The following HECW1 variants were observed in gnomAD, a reference collection of about 807,000 sequenced individuals.
HECW1 encodes HECT, C2 and WW domain containing E3 ubiquitin protein ligase 1.
A neutral mutation model predicts 182.3 loss-of-function variants in HECW1; 61 were observed. The ratio of observed to expected loss-of-function variants is 0.33; its 90% CI spans 0.27 to 0.41. The LOEUF (loss-of-function observed/expected upper bound fraction) is 0.41, where lower values mean the gene tolerates loss of function less well. HECW1 is among the 10% of genes least tolerant of loss of function. The pLI is 1.00. For synonymous variants in HECW1, 859 were observed against 832.6 expected (o/e 1.03, Z -0.55); for missense variants, 1,739 against 2,108.9 (o/e 0.82, Z 3.44).
At chr7:43,399,556 A>G (rs964308025) in intron 7 of HECW1, among the ~76,000 whole-genome samples, 1 of 152,222 alleles carries the variant, frequency 6.6e-6, no homozygotes, top group Admixed American at 6.5e-5. Context: ...GAGGAATGCC[A>G]TGCATGGTGA....
intron 5 of HECW1, among the ~76,000 whole-genome samples, chr7:43,327,820 G>T (rs1414389001): frequency 2.0e-5 from 3 of 152,060 alleles, no homozygotes; most frequent in Non-Finnish European, 4.4e-5. Context: ...TCATATATTA[G>T]ATATTATGCA....
chr7:43,460,234 T>C (rs2077535659), intron 13 of HECW1, among the ~76,000 whole-genome samples: 1 of 152,238 alleles, frequency 6.6e-6, no homozygotes, highest in African/African-American at 2.4e-5. Context: ...ACATTAGACA[T>C]TGCGGTTCTA....
At chr7:43,223,204 G>A (rs1797134888) in intron 2 of HECW1, among the ~76,000 whole-genome samples, 1 of 152,084 alleles carries the variant, frequency 6.6e-6, no homozygotes, top group African/African-American at 2.4e-5. Context: ...TCCAACAACA[G>A]CTTCTCACCA....
intron 2 of HECW1, among the ~76,000 whole-genome samples, chr7:43,166,784 A>T (rs189306599): frequency 1.9e-3 from 285 of 152,300 alleles, no homozygotes; most frequent in African/African-American, 6.5e-3. Context: ...GGCCCATTTG[A>T]ATTATTGATC....
At chr7:43,367,066 CT>C (rs1028642181) in intron 6 of HECW1, among the ~76,000 whole-genome samples, 4 of 152,154 alleles carry the variant, frequency 2.6e-5, no homozygotes, top group African/African-American at 9.7e-5. Flanking sequence ...GAAAATGGGG[CT>C]TTCTAAGGAT....
rs1166172234 is a variant in HECW1 at position 43,401,585 on chromosome 7, T to C, written c.631+4696T>C. 3.4e-5 allele frequency among the ~76,000 whole-genome samples: 5 copies of C among 147,886 alleles called. No homozygotes were observed. The East Asian group carries it at 5.8e-4, about 17-fold the overall frequency. On this transcript the variant is annotated intron_variant, in intron 7 of 29. Transcript: ENST00000395891. ...TAAAAAGGTTTTTTTTTTTTTTTTT[T>C]TCCCCCAAATATAGCCACAGTAGAC... is the stretch of plus-strand genomic sequence containing the variant.
At chr7:43,467,502 G>A (rs7780105) in intron 15 of HECW1, among the ~76,000 whole-genome samples, 64,065 of 151,802 alleles carry the variant, frequency 0.42, 13,678 homozygotes, top group Middle Eastern at 0.55. Flanking sequence ...AGGAGCCTGG[G>A]TCTACTGCAG....
chr7:43,345,630 C>T (rs1029739415), intron 5 of HECW1, among the ~76,000 whole-genome samples: 1 of 151,964 alleles, frequency 6.6e-6, no homozygotes, highest in Non-Finnish European at 1.5e-5. Context: ...CATTCTTATG[C>T]CTTTGTGTCC....
At chr7:43,439,511 G>C (rs1274696440) in intron 9 of HECW1, 6 of 152,772 alleles carry the variant, frequency 3.9e-5, no homozygotes, top group African/African-American at 1.4e-4. Flanking sequence ...ACAGCTGTTA[G>C]CACCTCTGCC....
At chr7:43,144,277 T>C (rs1345246732) in intron 2 of HECW1, among the ~76,000 whole-genome samples, 2 of 152,198 alleles carry the variant, frequency 1.3e-5, no homozygotes, top group Non-Finnish European at 2.9e-5. Flanking sequence ...GTATACAATA[T>C]CAATATGACT....
chr7:43,176,417 A>T (rs1289878082), intron 2 of HECW1, among the ~76,000 whole-genome samples: 1 of 152,214 alleles, frequency 6.6e-6, no homozygotes, highest in Non-Finnish European at 1.5e-5. Flanking sequence ...CTGAACATCT[A>T]AGACTGGGTA....
chr7:43,562,102 A>T lies in HECW1; in HGVS notation c.*176A>T. 1 of 578,772 alleles carries T rather than the reference A, an allele frequency of 1.7e-6. No homozygotes were observed. Among genetic ancestry groups the T allele is most frequent in the South Asian group, 2.1e-5 (1 of 48,456 alleles). The allele number at this position is 578,772 out of a possible 1,614,324, so 35.9% of individuals were successfully genotyped here. A position where few individuals can be genotyped will look rare whatever the true frequency, so the allele number is the denominator to read the frequency against. On this transcript the variant is annotated 3_prime_UTR_variant, in exon 30 of 30. Transcript: ENST00000395891. Reference sequence around the variant, plus strand: ...GCATGAAGAACTGCCTTCTTCTAAGATCTAACCTTCAGGCTTCTCTCCTCT... The same window carrying T: ...GCATGAAGAACTGCCTTCTTCTAAGTTCTAACCTTCAGGCTTCTCTCCTCT...
chr7:43,438,289 G>A, intron 9 of HECW1, 144 bp downstream of exon 9: 2 of 652,854 alleles, frequency 3.1e-6, no homozygotes, highest in Non-Finnish European at 5.0e-6. Flanking sequence ...TACTAATTAT[G>A]TTGCCTGAGC....
intron 6 of HECW1, among the ~76,000 whole-genome samples, chr7:43,363,744 G>T (rs1442368760): frequency 6.6e-6 from 1 of 152,156 alleles, no homozygotes; most frequent in African/African-American, 2.4e-5. Context: ...TGATGGCGTG[G>T]CACACTTTTC....
intron 2 of HECW1, among the ~76,000 whole-genome samples, chr7:43,132,522 T>TTCTC (rs71717961): frequency 6.6e-6 from 1 of 151,694 alleles, no homozygotes; most frequent in African/African-American, 2.4e-5. Context: ...AAGAGTTTCC[T>TTCTC]TCTCTCTCTC....
intron 5 of HECW1, among the ~76,000 whole-genome samples, chr7:43,337,864 T>C (rs1262977272): frequency 1.3e-5 from 2 of 152,198 alleles, no homozygotes; most frequent in Non-Finnish European, 2.9e-5. Flanking sequence ...ATTTGCAGTG[T>C]CAGGGGCCCC....
intron 12 of HECW1, among the ~76,000 whole-genome samples, chr7:43,453,462 G>A (rs1218858865): frequency 6.6e-6 from 1 of 152,166 alleles, no homozygotes; most frequent in Non-Finnish European, 1.5e-5. Flanking sequence ...GTTTTGATGG[G>A]AAGGATCCAA....
intron 2 of HECW1, among the ~76,000 whole-genome samples, chr7:43,201,973 A>G (rs949836542): frequency 3.3e-5 from 5 of 152,350 alleles, no homozygotes; most frequent in Admixed American, 2.6e-4. Context: ...AGCTTCAGAG[A>G]AATTCATAAT....
intron 24 of HECW1, among the ~76,000 whole-genome samples, chr7:43,513,794 T>G (rs532723282): frequency 1.3e-5 from 2 of 152,200 alleles, no homozygotes; most frequent in East Asian, 3.8e-4. Flanking sequence ...TTTGTACGAC[T>G]GACTTCCAAA....
Sources: gnomAD v4.1 joint callset for allele counts (sites outside exome capture counted in the v4.1 genomes callset) on GRCh38, gnomAD v4.1.1 for gene constraint, MANE v1.5 for transcripts, NCBI Gene and HGNC (gene_info 2026-07-23, HGNC 2026-07-21) for gene names.